RABGAP1: variants seen among roughly 807,000 people sequenced by gnomAD.
The protein encoded by RABGAP1 is rab GTPase-activating protein 1.
Under a neutral mutation model 137.6 loss-of-function variants are expected in RABGAP1, and 23 were observed. The observed-to-expected ratio is 0.17, with a 90% CI of 0.12 to 0.24. The LOEUF (loss-of-function observed/expected upper bound fraction) is 0.24, where lower values mean the gene tolerates loss of function less well. Among genes scored for constraint, RABGAP1 ranks in the 10% least tolerant of loss-of-function variants. RABGAP1 has a pLI of 1.00. For missense variants in RABGAP1, 906 were observed against 1,275.8 expected (o/e 0.71, Z 4.42); for synonymous variants, 451 against 450.7 (o/e 1.00, Z -0.01).
intron 13 of RABGAP1, chr9:123,063,145 G>A (rs2034042920): frequency 6.6e-6 from 1 of 152,384 alleles, no homozygotes; most frequent in Non-Finnish European, 1.5e-5. Flanking sequence ...TCCGTAATCA[G>A]TGTGATATGA....
In RABGAP1 at chr9:123,099,537, T is replaced by G; in HGVS notation, c.2877T>G (p.Ile959Met). The change falls in exon 24 of 26, where the codon ATT (isoleucine) becomes ATG (methionine). Residue 959 changes from isoleucine to methionine, a missense_variant. By Grantham distance (10) the Ile-to-Met change is conservative. This residue lies in a region of RABGAP1 where 193 missense variants were observed against 248.1 expected (regional missense o/e 0.78). Transcript: ENST00000373647. The part of the protein sequence containing the change: ...EKQQTANKVE[I>M]EKIRQKVDDC... ...AGCAGACAGCCAATAAGGTGGAAATTGAGAAAATTCGGGTAAGACTTCTCT... is the reference window on the plus strand; with the variant it reads ...AGCAGACAGCCAATAAGGTGGAAATGGAGAAAATTCGGGTAAGACTTCTCT... 6.2e-7 allele frequency: 1 copy of G among 1,611,060 alleles called. No homozygotes were observed. The highest frequency in any genetic ancestry group is 8.5e-7 in the Non-Finnish European group (1 of 1,177,236).
intron 12 of RABGAP1, among the ~76,000 whole-genome samples, chr9:123,017,264 T>G (rs2031300675): frequency 6.6e-6 from 1 of 152,218 alleles, no homozygotes; most frequent in African/African-American, 2.4e-5. Flanking sequence ...AAGACTCTAG[T>G]TAGATTTTAT....
At chr9:123,050,651 C>G (rs2033413355) in intron 13 of RABGAP1, among the ~76,000 whole-genome samples, 1 of 152,178 alleles carries the variant, frequency 6.6e-6, no homozygotes, top group African/African-American at 2.4e-5. Flanking sequence ...TTCTATAATT[C>G]TTACTGATTT....
rs769004573 is a variant in RABGAP1, at chr9:123,035,243, G to A, written c.1794+14784G>A. Reference sequence around the variant, plus strand: ...TGCCAACAGCACACAAAGGATATCAGCGAAAGGCAAGCCCGCTTCAGCAGC... The same window carrying A: ...TGCCAACAGCACACAAAGGATATCAACGAAAGGCAAGCCCGCTTCAGCAGC... On this transcript the variant is annotated intron_variant, in intron 13 of 25. Coordinates refer to ENST00000373647, the MANE Select transcript of RABGAP1 (RefSeq NM_012197.4). 3.1e-6 allele frequency: 5 copies of A among 1,614,170 alleles called. No homozygotes were observed. In the South Asian group the frequency reaches 3.3e-5, roughly 11 times the overall value.
chr9:122,944,229 C>CTT (rs111695965), intron 1 of RABGAP1, among the ~76,000 whole-genome samples: 7 of 145,076 alleles, frequency 4.8e-5, no homozygotes, highest in African/African-American at 1.8e-4. Context: ...ATACAACACA[C>CTT]TTTTTTTTTT....
chr9:123,052,754 A>AC (rs1452190517), intron 13 of RABGAP1, among the ~76,000 whole-genome samples: 1 of 152,054 alleles, frequency 6.6e-6, no homozygotes, highest in Admixed American at 6.6e-5. Context: ...ACATGGCGAA[A>AC]CCCCATCTCT....
chr9:122,944,160 C>A (rs539403536), intron 1 of RABGAP1, among the ~76,000 whole-genome samples: 1 of 151,936 alleles, frequency 6.6e-6, no homozygotes, highest in South Asian at 2.1e-4. Context: ...ATAATGTTAT[C>A]TTTGTAATTT....
intron 10 of RABGAP1, among the ~76,000 whole-genome samples, chr9:123,009,048 G>C (rs1029407079): frequency 6.6e-6 from 1 of 152,170 alleles, no homozygotes; most frequent in Admixed American, 6.5e-5. Flanking sequence ...GGGTGGACAT[G>C]TTAAACCAAA....
rs200334416 is a variant in RABGAP1 at position 123,035,213 on chromosome 9, G to A, written c.1794+14754G>A. 5.8e-5 allele frequency: 94 copies of A among 1,613,922 alleles called. No homozygotes were observed. Among genetic ancestry groups the A allele is most frequent in the Admixed American group, 5.0e-5 (3 of 59,984 alleles). On this transcript the variant is annotated intron_variant, in intron 13 of 25. Transcript: ENST00000373647. ...TGCTTCACCTATTTCAACATCTTCC[G>A]CATCTGCCAACAGCACACAAAGGAT...
At chr9:123,047,267 A>T (rs1422128339) in intron 13 of RABGAP1, among the ~76,000 whole-genome samples, 2 of 152,202 alleles carry the variant, frequency 1.3e-5, no homozygotes, top group Non-Finnish European at 2.9e-5. Context: ...GGAGGTAAAA[A>T]ATAAATGGGT....
At chr9:123,024,659 C>T (rs1195645594) in intron 13 of RABGAP1, among the ~76,000 whole-genome samples, 1 of 152,054 alleles carries the variant, frequency 6.6e-6, no homozygotes, top group African/African-American at 2.4e-5. Context: ...AGGCTGGTCT[C>T]GAACTCCCGA....
intron 21 of RABGAP1, among the ~76,000 whole-genome samples, chr9:123,093,397 G>A (rs929172976): frequency 6.6e-6 from 1 of 152,216 alleles, no homozygotes; most frequent in Admixed American, 6.5e-5. Context: ...AGCTATGGAA[G>A]GTCCCTGCAG....
chr9:123,043,723 A>C (rs1206312306), intron 13 of RABGAP1, among the ~76,000 whole-genome samples: 1 of 151,962 alleles, frequency 6.6e-6, no homozygotes, highest in Non-Finnish European at 1.5e-5. Context: ...AAGTGGAAAA[A>C]CCCAGAAAAT....
In RABGAP1 at chr9:123,099,406, G is replaced by C. The variant is rs181821568; in HGVS notation, c.2818-72G>C. On this transcript the variant is annotated intron_variant, in intron 23 of 25. Transcript: ENST00000373647. ...TGTTAATTCCAATTTACATATTCCA[G>C]CTTCCACTATGGAATTTATGCAGAT... 2.2e-5 allele frequency: 31 copies of C among 1,380,156 alleles called. No homozygotes were observed. The Admixed American group carries it at 3.9e-4, about 17-fold the overall frequency. The allele number at this position is 1,380,156 out of a possible 1,614,324, so 85.5% of individuals were successfully genotyped here.
At chr9:122,967,911 A>G (rs1237809219) in intron 2 of RABGAP1, among the ~76,000 whole-genome samples, 1 of 151,894 alleles carries the variant, frequency 6.6e-6, no homozygotes, top group Non-Finnish European at 1.5e-5. Flanking sequence ...TATTTTTAGT[A>G]GAGATGGGGT....
At chr9:122,947,412 G>T (rs1046372794) in intron 1 of RABGAP1, among the ~76,000 whole-genome samples, 4 of 152,176 alleles carry the variant, frequency 2.6e-5, no homozygotes, top group Admixed American at 6.5e-5. Context: ...GGTGATGGTT[G>T]CATGACAATG....
chr9:123,084,568 C>T (rs1451740617), intron 19 of RABGAP1, among the ~76,000 whole-genome samples: 1 of 152,194 alleles, frequency 6.6e-6, no homozygotes, highest in African/African-American at 2.4e-5. Context: ...AAAGCAGCTC[C>T]ACTTCCAGAG....
At chr9:123,041,181 A>G (rs1334415088) in intron 13 of RABGAP1, among the ~76,000 whole-genome samples, 1 of 152,200 alleles carries the variant, frequency 6.6e-6, no homozygotes, top group Non-Finnish European at 1.5e-5. Flanking sequence ...CCAACACTGT[A>G]AGAGCTAGTG....
chr9:123,053,974 A>G (rs904648084), intron 13 of RABGAP1, among the ~76,000 whole-genome samples: 6 of 152,238 alleles, frequency 3.9e-5, no homozygotes, highest in African/African-American at 1.4e-4. Context: ...CAATTCTCAC[A>G]GTAAGGTATA....
Sources: gnomAD v4.1 joint callset for allele counts (sites outside exome capture counted in the v4.1 genomes callset) on GRCh38, gnomAD v4.1.1 for gene constraint, gnomAD v4.1.1 regional missense constraint, MANE v1.5 for transcripts, NCBI Gene and HGNC (gene_info 2026-07-23, HGNC 2026-07-21) for gene names.